CNTLN: variants seen among roughly 807,000 people sequenced by gnomAD.
CNTLN encodes centlein, also known as centlein, centrosomal protein.
In CNTLN, 212 loss-of-function variants were observed where a neutral mutation model predicts 180.0. That is an observed-to-expected ratio of 1.18 (90% CI 1.05 to 1.32). The LOEUF (loss-of-function observed/expected upper bound fraction) is 1.32, where lower values mean the gene tolerates loss of function less well. Among genes scored for constraint, CNTLN ranks in the 40% most tolerant of loss-of-function variants. The pLI is 0.00. For synonymous variants in CNTLN, 722 were observed against 563.1 expected (o/e 1.28, Z -3.99); for missense variants, 2,095 against 1,610.9 (o/e 1.30, Z -5.14).
chr9:17,334,343 A>G (rs1168834899), intron 10 of CNTLN, among the ~76,000 whole-genome samples: 1 of 152,050 alleles, frequency 6.6e-6, no homozygotes, highest in Admixed American at 6.6e-5. Flanking sequence ...TACAGGCGCG[A>G]GCCGCTGCTC....
intron 13 of CNTLN, among the ~76,000 whole-genome samples, chr9:17,371,231 C>CGCAGTG (rs1824291344): frequency 6.6e-6 from 1 of 152,146 alleles, no homozygotes; most frequent in African/African-American, 2.4e-5. Context: ...ATATAAGAAA[C>CGCAGTG]GCTTCATCTA....
intron 5 of CNTLN, among the ~76,000 whole-genome samples, chr9:17,241,064 T>C (rs1825458727): frequency 6.6e-6 from 1 of 152,160 alleles, no homozygotes; most frequent in South Asian, 2.1e-4. Context: ...TTCATCGTGT[T>C]AGCCAGGATG....
chr9:17,212,602 A>T (rs986458677), intron 2 of CNTLN, among the ~76,000 whole-genome samples: 7 of 152,002 alleles, frequency 4.6e-5, no homozygotes, highest in African/African-American at 1.7e-4. Flanking sequence ...CTCTTTTTCT[A>T]CTCATTGGAA....
intron 2 of CNTLN, among the ~76,000 whole-genome samples, chr9:17,180,528 A>G (rs1821060607): frequency 6.6e-6 from 1 of 151,738 alleles, no homozygotes; most frequent in Admixed American, 6.6e-5. Flanking sequence ...AGAACCACAT[A>G]AGATATTATT....
At chr9:17,239,450 T>TA (rs78302269) in intron 5 of CNTLN, among the ~76,000 whole-genome samples, 34,152 of 152,154 alleles carry the variant, frequency 0.22, 5,173 homozygotes, top group African/African-American at 0.43. Context: ...ATGGTGTTCT[T>TA]AAAATACCAG....
At chr9:17,277,732 G>A (rs1018160424) in intron 6 of CNTLN, among the ~76,000 whole-genome samples, 6 of 151,890 alleles carry the variant, frequency 4.0e-5, no homozygotes, top group East Asian at 1.9e-4. Flanking sequence ...TTATACCAGC[G>A]AAACATATTA....
At chr9:17,518,652 T>C in the CNTLN span, among the ~76,000 whole-genome samples, 29 of 152,210 alleles carry the variant, frequency 1.9e-4, no homozygotes, top group Non-Finnish European at 3.7e-4. Context: ...TATACTTCTA[T>C]ACCTGCTCAG....
At chr9:17,520,018 G>A in the CNTLN span, among the ~76,000 whole-genome samples, 1 of 152,218 alleles carries the variant, frequency 6.6e-6, no homozygotes, top group Admixed American at 6.5e-5. Context: ...TTTTAAAACC[G>A]AAAGCTAGGA....
chr9:17,494,905 A>G lies in CNTLN; in HGVS notation c.4120-7646A>G, dbSNP rs545778666. ...TTTTTTTTTTTTTTTTTTTGGTCAC[A>G]GAGTCTTGCTCTGTCTCCCAGGCTG... On this transcript the variant is annotated intron_variant, in intron 25 of 25. Transcript: ENST00000380647. 27 of 351,502 alleles carry G rather than the reference A, an allele frequency of 7.7e-5. No homozygotes were observed. The East Asian group carries it at 2.2e-3, about 29-fold the overall frequency. 21.8% of individuals were successfully genotyped at this position (351,502 alleles called of 1,614,324 possible).
intron 6 of CNTLN, among the ~76,000 whole-genome samples, chr9:17,290,857 C>G (rs1016273407): frequency 2.0e-5 from 3 of 152,234 alleles, no homozygotes; most frequent in African/African-American, 7.2e-5. Context: ...ATGCCTCGCC[C>G]TGCTTCGGCT....
At chr9:17,421,732 T>C (rs1442736549) in intron 18 of CNTLN, among the ~76,000 whole-genome samples, 4 of 152,148 alleles carry the variant, frequency 2.6e-5, no homozygotes, top group African/African-American at 9.6e-5. Flanking sequence ...ATATATCTGT[T>C]GTAGGTTTTA....
intron 23 of CNTLN, among the ~76,000 whole-genome samples, chr9:17,474,234 A>G (rs969119396): frequency 3.9e-5 from 6 of 152,164 alleles, no homozygotes; most frequent in Non-Finnish European, 8.8e-5. Flanking sequence ...TTGGATGTCT[A>G]ATAGGCATCT....
At chr9:17,145,062 C>T (rs1254658338) in intron 2 of CNTLN, among the ~76,000 whole-genome samples, 6 of 149,548 alleles carry the variant, frequency 4.0e-5, no homozygotes, top group Admixed American at 6.7e-5. Flanking sequence ...AGGATGGTCT[C>T]GATCTCCTGA....
intron 6 of CNTLN, among the ~76,000 whole-genome samples, chr9:17,281,031 G>T (rs1209026198): frequency 2.0e-5 from 3 of 152,108 alleles, no homozygotes; most frequent in African/African-American, 7.2e-5. Flanking sequence ...TAGGTGCTCT[G>T]TTTATAGCAG....
At chr9:17,260,006 G>T (rs1826832436) in intron 5 of CNTLN, among the ~76,000 whole-genome samples, 2 of 139,310 alleles carry the variant, frequency 1.4e-5, no homozygotes, top group African/African-American at 3.0e-5. Context: ...GTTATTTCTT[G>T]CCTTCCGCTA....
chr9:17,152,733 T>C (rs1049285725), intron 2 of CNTLN, among the ~76,000 whole-genome samples: 3 of 152,220 alleles, frequency 2.0e-5, no homozygotes, highest in African/African-American at 7.2e-5. Context: ...TTCTGTTTCA[T>C]TGATCTGTCT....
At chr9:17,198,002 C>T (rs1049065408) in intron 2 of CNTLN, among the ~76,000 whole-genome samples, 2 of 152,054 alleles carry the variant, frequency 1.3e-5, no homozygotes, top group African/African-American at 4.8e-5. Context: ...TCTCCTTTCC[C>T]CAATGTATAT....
Position 17,484,453 on chromosome 9 carries a change from G to C in CNTLN, c.4014G>C (p.Glu1338Asp). The change falls in exon 24 of 26, where the codon GAG (glutamate) becomes GAC (aspartate). Residue 1338 changes from glutamate to aspartate, a missense_variant. Transcript: ENST00000380647. ...TGAACATTTCACGGTCAGATTTAGA[G>C]GAAATATTAGACACAGAAGATCAAG... The part of the protein sequence containing the change: ...SILNISRSDL[E>D]EILDTEDQVE... The C allele has an allele frequency of 6.2e-7, 1 of 1,602,878 alleles. No individual in the cohort carries two copies. Among genetic ancestry groups the C allele is most frequent in the Non-Finnish European group, 8.5e-7 (1 of 1,177,320 alleles).
chr9:17,247,175 T>C (rs1159272669), intron 5 of CNTLN, among the ~76,000 whole-genome samples: 1 of 152,158 alleles, frequency 6.6e-6, no homozygotes, highest in African/African-American at 2.4e-5. Context: ...GTCCACTGGC[T>C]CTGAGTCTAG....
Sources: gnomAD v4.1 joint callset for allele counts (sites outside exome capture counted in the v4.1 genomes callset) on GRCh38, gnomAD v4.1.1 for gene constraint, MANE v1.5 for transcripts, NCBI Gene and HGNC (gene_info 2026-07-23, HGNC 2026-07-21) for gene names.